MEF2C: variants seen among roughly 807,000 people sequenced by gnomAD.
MEF2C encodes the protein myocyte-specific enhancer factor 2C.
In MEF2C, 6 loss-of-function variants were observed where a neutral mutation model predicts 50.5. The ratio of observed to expected loss-of-function variants is 0.12; its 90% CI spans 0.07 to 0.23. The LOEUF (loss-of-function observed/expected upper bound fraction) is 0.23, where lower values mean the gene tolerates loss of function less well. MEF2C is among the 10% of genes least tolerant of loss of function. The pLI is 1.00. For synonymous variants in MEF2C, 183 were observed against 228.0 expected, an observed-to-expected ratio of 0.80 and a Z score of 1.78; for missense variants, 276 against 605.0, an observed-to-expected ratio of 0.46 and a Z score of 5.70.
At chr5:88,742,166 G>T (rs1767132308) in intron 6 of MEF2C, 1 of 985,344 alleles carries the variant, frequency 1.0e-6, no homozygotes, top group South Asian at 4.7e-5. Flanking sequence ...AAAAGAGGGG[G>T]TTTTTAACCA....
chr5:88,751,763 A>G, intron 5 of MEF2C, 94 bp downstream of exon 5: 1 of 1,372,484 alleles, frequency 7.3e-7, no homozygotes, highest in Non-Finnish European at 1.0e-6. Context: ...TAAGTGGAAA[A>G]CCAGAAAACA....
chr5:88,898,734 CTCA>C (rs1412211915), intron 1 of MEF2C, among the ~76,000 whole-genome samples: 1 of 151,978 alleles, frequency 6.6e-6, no homozygotes, highest in East Asian at 1.9e-4. Context: ...TAATTCTGTC[CTCA>C]TGAACATAAA....
chr5:88,836,864 A>T (rs1815307741), intron 1 of MEF2C, among the ~76,000 whole-genome samples: 1 of 151,980 alleles, frequency 6.6e-6, no homozygotes, highest in Non-Finnish European at 1.5e-5. Context: ...TCAAACCTAG[A>T]CTCTAAAAGA....
chr5:88,878,683 T>A (rs1442963487), intron 1 of MEF2C, among the ~76,000 whole-genome samples: 1 of 152,040 alleles, frequency 6.6e-6, no homozygotes, highest in Non-Finnish European at 1.5e-5. Context: ...GATTTTATCT[T>A]TTCTAAATAG....
At chr5:88,727,810 G>T (rs1759560977) in intron 10 of MEF2C, among the ~76,000 whole-genome samples, 1 of 151,734 alleles carries the variant, frequency 6.6e-6, no homozygotes, top group Admixed American at 6.6e-5. Flanking sequence ...AGTGTGAATT[G>T]TGAATTCAGA....
chr5:88,795,256 T>A (rs1027086521), intron 3 of MEF2C, among the ~76,000 whole-genome samples: 1 of 152,208 alleles, frequency 6.6e-6, no homozygotes, highest in Non-Finnish European at 1.5e-5. Context: ...TTTCACGATA[T>A]AGATTCTTCC....
intron 3 of MEF2C, among the ~76,000 whole-genome samples, chr5:88,799,867 C>CA (rs1317073619): frequency 4.9e-4 from 48 of 98,918 alleles, no homozygotes; most frequent in African/African-American, 1.2e-3. Flanking sequence ...CTCTCTCTCT[C>CA]TCTCACACAC....
intron 3 of MEF2C, among the ~76,000 whole-genome samples, chr5:88,774,466 G>C (rs992070452): frequency 7.9e-5 from 12 of 151,940 alleles, no homozygotes; most frequent in Admixed American, 2.0e-4. Flanking sequence ...GGGACTACAG[G>C]CGCCCGCCAC....
intron 1 of MEF2C, among the ~76,000 whole-genome samples, chr5:88,837,002 CAAAAAAAAAAA>C (rs10692741): frequency 0.021 from 1,810 of 87,000 alleles, 32 homozygotes; most frequent in Admixed American, 0.074. Context: ...AGCTGTTTCT[CAAAAAAAAAAA>C]AAAAAAAAAA....
chr5:88,870,184 T>G (rs2149839615), intron 1 of MEF2C, among the ~76,000 whole-genome samples: 1 of 152,092 alleles, frequency 6.6e-6, no homozygotes, highest in East Asian at 1.9e-4. Context: ...TACTCAAATT[T>G]TAATATAATA....
intron 1 of MEF2C, among the ~76,000 whole-genome samples, chr5:88,831,084 T>C (rs769974828): frequency 2.6e-5 from 4 of 152,118 alleles, no homozygotes; most frequent in Non-Finnish European, 1.5e-5. Flanking sequence ...AAAAAAATTA[T>C]GTTCGTTATA....
intron 3 of MEF2C, among the ~76,000 whole-genome samples, chr5:88,790,375 G>C (rs1203056588): frequency 6.6e-6 from 1 of 152,158 alleles, no homozygotes; most frequent in African/African-American, 2.4e-5. Flanking sequence ...AGCATCACCT[G>C]GTCAGAAATA....
chr5:88,880,232 T>C lies in MEF2C; in HGVS notation c.-143+2723A>G, dbSNP rs1832390493. 1.3e-5 allele frequency among the ~76,000 whole-genome samples: 2 copies of C among 152,174 alleles called. 1 individual carries two copies. The highest frequency in any genetic ancestry group is 4.1e-4 in the South Asian group (2 of 4,834). ...AAGTTTTAGATATTAATTTGTGTGG[T>C]ATTTTCTCAGAGGATGTGCTTTTGA... is the stretch of plus-strand genomic sequence containing the variant. On this transcript the variant is annotated intron_variant, in intron 1 of 10. Coordinates refer to ENST00000504921, the MANE Select transcript of MEF2C (RefSeq NM_002397.5).
intron 6 of MEF2C, chr5:88,746,696 A>C: frequency 1.0e-6 from 1 of 985,400 alleles, no homozygotes; most frequent in South Asian, 4.7e-5. Context: ...CTCTGACATC[A>C]GCACGGATAT....
rs569507951 is a variant in MEF2C at position 88,872,984 on chromosome 5, G to C, written c.-143+9971C>G. Among the ~76,000 whole-genome samples the C allele has an allele frequency of 3.9e-5, 6 of 151,922 alleles. No homozygotes were observed. The South Asian group carries it at 8.3e-4, about 21-fold the overall frequency. Reference sequence around the variant, plus strand: ...TTAAACGATCTTCTCTCTCGAGAGTGTATCTTCATCCTTTCATGCTTTTTC... The same window carrying C: ...TTAAACGATCTTCTCTCTCGAGAGTCTATCTTCATCCTTTCATGCTTTTTC... On this transcript the variant is annotated intron_variant, in intron 1 of 10. Coordinates refer to ENST00000504921, the MANE Select transcript of MEF2C (RefSeq NM_002397.5).
In MEF2C at chr5:88,829,450, T is replaced by A. The variant is rs993618867; in HGVS notation, c.-142-5520A>T. ...TCTTCCTCAACATCTGTTTTATTTG[T>A]TTGTTTCACCGTTTTATCCACAATA... On this transcript the variant is annotated intron_variant, in intron 1 of 10. Coordinates refer to ENST00000504921, the MANE Select transcript of MEF2C (RefSeq NM_002397.5). Among the ~76,000 whole-genome samples, 9 of 152,112 alleles carry A rather than the reference T, an allele frequency of 5.9e-5. No homozygotes were observed. In the South Asian group the frequency reaches 1.4e-3, roughly 24 times the overall value.
chr5:88,835,576 C>T (rs987299716), intron 1 of MEF2C, among the ~76,000 whole-genome samples: 5 of 152,026 alleles, frequency 3.3e-5, no homozygotes, highest in Admixed American at 1.3e-4. Context: ...CTTTGAGAGG[C>T]CGAGGCATGT....
At chr5:88,846,664 G>C (rs1324506957) in intron 1 of MEF2C, among the ~76,000 whole-genome samples, 1 of 152,092 alleles carries the variant, frequency 6.6e-6, no homozygotes, top group Non-Finnish European at 1.5e-5. Flanking sequence ...TGTATTAATG[G>C]CCATATTCAG....
At position 88,823,643 on chromosome 5, in the gene MEF2C, T is replaced by C. The variant is rs1329477076; in HGVS notation, c.54+92A>G. 3 of 1,210,506 alleles carry C rather than the reference T, an allele frequency of 2.5e-6. No individual in the cohort carries two copies. The Admixed American group carries it at 6.2e-5, about 25-fold the overall frequency. The allele number at this position is 1,210,506 out of a possible 1,614,324, so 75.0% of individuals were successfully genotyped here. Reference sequence around the variant, plus strand: ...TAACCCAAACTTCTCTTAATAGATATTTACAGATTCAAGATATTTTCTGTA... The same window carrying C: ...TAACCCAAACTTCTCTTAATAGATACTTACAGATTCAAGATATTTTCTGTA... On this transcript the variant is annotated intron_variant, in intron 2 of 10. Coordinates refer to ENST00000504921, the MANE Select transcript of MEF2C (RefSeq NM_002397.5).
Sources: allele counts gnomAD v4.1 joint callset (sites outside exome capture counted in the v4.1 genomes callset), GRCh38; gene constraint gnomAD v4.1.1; transcripts MANE v1.5; gene names NCBI Gene and HGNC (gene_info 2026-07-23, HGNC 2026-07-21).